The following MSRB3 variants were observed in gnomAD, a reference collection of about 807,000 sequenced individuals.
The protein encoded by MSRB3 is methionine-R-sulfoxide reductase B3.
Under a neutral mutation model 21.0 loss-of-function variants are expected in MSRB3, and 13 were observed. That is an observed-to-expected ratio of 0.62 (90% confidence interval 0.40 to 0.98). The LOEUF is 0.98. Among genes scored for constraint, MSRB3 ranks in the 50% least tolerant of loss-of-function variants. The probability of loss-of-function intolerance (pLI) is 0.00; values close to 1 mark genes in which losing one functional copy is unlikely to be tolerated. For missense variants in MSRB3, 199 were observed against 230.3 expected, an observed-to-expected ratio of 0.86 and a Z score of 0.88; for synonymous variants, 87 against 88.6, an observed-to-expected ratio of 0.98 and a Z score of 0.10.
At chr12:65,344,439 G>A (rs1447957703) in intron 4 of MSRB3, among the ~76,000 whole-genome samples, 2 of 151,908 alleles carry the variant, frequency 1.3e-5, no homozygotes, top group Non-Finnish European at 2.9e-5. Flanking sequence ...GGAGACAATG[G>A]ATAATTGATA....
chr12:65,296,288 C>G (rs928434506), intron 1 of MSRB3, among the ~76,000 whole-genome samples: 2 of 152,158 alleles, frequency 1.3e-5, no homozygotes, highest in African/African-American at 4.8e-5. Flanking sequence ...ATTAAACCCT[C>G]CAACACTCAC....
At chr12:65,324,578 C>T (rs1254508327) in intron 2 of MSRB3, among the ~76,000 whole-genome samples, 1 of 152,036 alleles carries the variant, frequency 6.6e-6, no homozygotes, top group Admixed American at 6.5e-5. Flanking sequence ...TTTTCTTGTA[C>T]AAATACTTGA....
chr12:65,354,343 C>T (rs1158550048), intron 4 of MSRB3, among the ~76,000 whole-genome samples: 1 of 152,052 alleles, frequency 6.6e-6, no homozygotes, highest in African/African-American at 2.4e-5. Flanking sequence ...TTCCATTCTT[C>T]CCGTCACTTT....
At chr12:65,391,919 A>T (rs1189323936) in intron 5 of MSRB3, among the ~76,000 whole-genome samples, 1 of 152,160 alleles carries the variant, frequency 6.6e-6, no homozygotes, top group East Asian at 1.9e-4. Context: ...AGAAGAGGAT[A>T]ATTGAAGACT....
At chr12:65,295,871 C>T (rs1207109249) in intron 1 of MSRB3, among the ~76,000 whole-genome samples, 1 of 152,188 alleles carries the variant, frequency 6.6e-6, no homozygotes, top group Non-Finnish European at 1.5e-5. Context: ...GCTAGGAATT[C>T]AAGACCTGTA....
At chr12:65,324,035 A>G (rs903312007) in intron 2 of MSRB3, among the ~76,000 whole-genome samples, 1 of 152,210 alleles carries the variant, frequency 6.6e-6, no homozygotes, top group Non-Finnish European at 1.5e-5. Context: ...AGAATATAGT[A>G]TAACCAAAGA....
chr12:65,318,317 T>C (rs1037137401), intron 2 of MSRB3, among the ~76,000 whole-genome samples: 1 of 152,184 alleles, frequency 6.6e-6, no homozygotes, highest in African/African-American at 2.4e-5. Flanking sequence ...CAATGTTACA[T>C]TTAAATAAAA....
At chr12:65,358,357 GTCTTT>G (rs1343957271) in intron 4 of MSRB3, among the ~76,000 whole-genome samples, 3 of 151,904 alleles carry the variant, frequency 2.0e-5, no homozygotes, top group Non-Finnish European at 4.4e-5. Context: ...CTGGGCTCAA[GTCTTT>G]TCTTTATTTA....
intron 6 of MSRB3, among the ~76,000 whole-genome samples, chr12:65,462,016 G>A (rs1044065187): frequency 7.2e-5 from 11 of 152,056 alleles, no homozygotes; most frequent in African/African-American, 2.4e-4. Flanking sequence ...CTTGTGTACT[G>A]TCTGTCTCTC....
chr12:65,310,935 G>A (rs952576740), intron 2 of MSRB3, among the ~76,000 whole-genome samples: 3 of 152,090 alleles, frequency 2.0e-5, no homozygotes, highest in Non-Finnish European at 4.4e-5. Context: ...AAATAGATTG[G>A]GATGTGAAAA....
intron 5 of MSRB3, among the ~76,000 whole-genome samples, chr12:65,439,222 A>T (rs1269159646): frequency 2.0e-5 from 3 of 151,832 alleles, no homozygotes; most frequent in Admixed American, 6.6e-5. Context: ...GGTACTATTC[A>T]TGAAGAGTAC....
At chr12:65,445,653 T>G (rs1882581635) in intron 5 of MSRB3, among the ~76,000 whole-genome samples, 1 of 150,606 alleles carries the variant, frequency 6.6e-6, no homozygotes, top group South Asian at 2.1e-4. Flanking sequence ...TATATAATTT[T>G]TTTTTTTTTT....
Position 65,373,548 on chromosome 12 carries a change from A to G in MSRB3, c.292+4522A>G, listed in dbSNP as rs1389347877. Among the ~76,000 whole-genome samples, 5 of 152,118 alleles carry G rather than the reference A, an allele frequency of 3.3e-5. No homozygotes were observed. The East Asian group carries it at 9.6e-4, about 29-fold the overall frequency. On this transcript the variant is annotated intron_variant, in intron 5 of 6. Coordinates refer to ENST00000308259, the MANE Select transcript of MSRB3 (RefSeq NM_001031679.3). The stretch of plus-strand genomic sequence containing the variant: ...TTTCTATAGAGTCATGTTGGCTGAG[A>G]AAGTGAATAAGCTTATGTTTAGTGC...
intron 4 of MSRB3, among the ~76,000 whole-genome samples, chr12:65,342,347 T>C (rs1876200891): frequency 6.6e-6 from 1 of 151,874 alleles, no homozygotes. Context: ...CAGATACTTT[T>C]CAGAATAAGA....
intron 4 of MSRB3, among the ~76,000 whole-genome samples, chr12:65,345,601 T>G (rs979249842): frequency 6.6e-6 from 1 of 152,146 alleles, no homozygotes; most frequent in Non-Finnish European, 1.5e-5. Context: ...ATTATTATGC[T>G]TTAAGTTTTA....
At chr12:65,287,020 C>CAA (rs35236078) in intron 1 of MSRB3, among the ~76,000 whole-genome samples, 149 of 57,086 alleles carry the variant, frequency 2.6e-3, no homozygotes, top group African/African-American at 3.7e-3. Flanking sequence ...GACCCTTTCT[C>CAA]AAAAAAAAAA....
rs9788076 is a variant in MSRB3, at chr12:65,306,782, A to G, written c.-51-1747A>G. On this transcript the variant is annotated intron_variant, in intron 1 of 6. Transcript: ENST00000308259. ...ACAGAATATTAAATCACACAGTCAT[A>G]TCATGCTGGAGGGCTCCCGGTATTT... 57 of 897,414 alleles carry G rather than the reference A, an allele frequency of 6.4e-5. No individual in the cohort carries two copies. In the East Asian group the frequency reaches 6.3e-3, roughly 99 times the overall value. The allele number at this position is 897,414 out of a possible 1,614,324, so 55.6% of individuals were successfully genotyped here.
intron 5 of MSRB3, among the ~76,000 whole-genome samples, chr12:65,389,694 C>G (rs566788643): frequency 6.6e-6 from 1 of 152,184 alleles, no homozygotes; most frequent in Non-Finnish European, 1.5e-5. Context: ...ATCCTAGACT[C>G]TATGGTGACC....
At chr12:65,336,637 A>G (rs958317475) in intron 4 of MSRB3, among the ~76,000 whole-genome samples, 2 of 152,248 alleles carry the variant, frequency 1.3e-5, no homozygotes, top group Admixed American at 6.5e-5. Flanking sequence ...ATTCATGTAC[A>G]TTTATCTTGT....
Sources: allele counts gnomAD v4.1 joint callset (sites outside exome capture counted in the v4.1 genomes callset), GRCh38; gene constraint gnomAD v4.1.1; transcripts MANE v1.5; gene names NCBI Gene and HGNC (gene_info 2026-07-23, HGNC 2026-07-21).